SORCS2: variants seen among roughly 807,000 people sequenced by gnomAD.
The protein encoded by SORCS2 is VPS10 domain-containing receptor SorCS2.
A neutral mutation model predicts 141.6 loss-of-function variants in SORCS2; 100 were observed. That is an observed-to-expected ratio of 0.71 (90% CI 0.60 to 0.83). The LOEUF (loss-of-function observed/expected upper bound fraction) is 0.83, where lower values mean the gene tolerates loss of function less well. Ranked by LOEUF, SORCS2 falls within the 40% of genes least tolerant of loss-of-function variation. SORCS2 has a pLI of 0.00. For missense variants in SORCS2, 1,646 were observed against 1,560.2 expected (o/e 1.05, Z -0.93); for synonymous variants, 789 against 676.9 (o/e 1.17, Z -2.57).
At chr4:7,194,431 C>A (rs1012228572) in intron 1 of SORCS2, among the ~76,000 whole-genome samples, 1 of 152,120 alleles carries the variant, frequency 6.6e-6, no homozygotes, top group Non-Finnish European at 1.5e-5. Context: ...TATGTTGGGG[C>A]AGGGGTAGGG....
intron 3 of SORCS2, among the ~76,000 whole-genome samples, chr4:7,636,646 A>G (rs1720276425): frequency 6.6e-6 from 1 of 152,100 alleles, no homozygotes; most frequent in Non-Finnish European, 1.5e-5. Context: ...AGCCGGGATA[A>G]GGGTGTCTCC....
At chr4:7,241,693 C>T (rs1712707013) in intron 1 of SORCS2, among the ~76,000 whole-genome samples, 1 of 152,198 alleles carries the variant, frequency 6.6e-6, no homozygotes, top group Non-Finnish European at 1.5e-5. Context: ...CGATGCCATT[C>T]CGTAGTCTCT....
intron 2 of SORCS2, among the ~76,000 whole-genome samples, chr4:7,447,667 G>A (rs535018909): frequency 1.4e-4 from 21 of 152,268 alleles, no homozygotes; most frequent in Admixed American, 1.4e-3. Flanking sequence ...CAGAGCACGG[G>A]GGTCCTCCAG....
intron 1 of SORCS2, among the ~76,000 whole-genome samples, chr4:7,264,669 C>T (rs759404767): frequency 9.9e-5 from 15 of 152,192 alleles, no homozygotes; most frequent in South Asian, 8.3e-4. Flanking sequence ...GAGCTCTTGC[C>T]GGCCCTGGGG....
At chr4:7,551,936 G>A (rs76695643) in intron 3 of SORCS2, among the ~76,000 whole-genome samples, 8,321 of 152,294 alleles carry the variant, frequency 0.055, 302 homozygotes, top group African/African-American at 0.1. Context: ...GTAATTGTGT[G>A]TCGTAATCGG....
chr4:7,644,365 C>T (rs986029082), intron 4 of SORCS2, among the ~76,000 whole-genome samples: 5 of 152,172 alleles, frequency 3.3e-5, no homozygotes, highest in African/African-American at 9.7e-5. Context: ...CACCACGTCT[C>T]CACCCTCCAG....
intron 2 of SORCS2, among the ~76,000 whole-genome samples, chr4:7,439,956 C>A (rs959640861): frequency 2.0e-5 from 3 of 152,110 alleles, no homozygotes; most frequent in Admixed American, 1.3e-4. Context: ...CCGAAGTGAC[C>A]ACAGCAGCTG....
chr4:7,401,720 A>C (rs559622050), intron 2 of SORCS2, among the ~76,000 whole-genome samples: 1 of 152,236 alleles, frequency 6.6e-6, no homozygotes, highest in East Asian at 1.9e-4. Flanking sequence ...CAAGGACCAC[A>C]CTAATGCTGG....
At chr4:7,593,659 G>A (rs746539481) in intron 3 of SORCS2, among the ~76,000 whole-genome samples, 8 of 152,148 alleles carry the variant, frequency 5.3e-5, no homozygotes, top group Non-Finnish European at 1.2e-4. Context: ...ACCTGGGGGC[G>A]GGGGTGGGGG....
At chr4:7,698,371 C>T (rs1000838950) in intron 12 of SORCS2, among the ~76,000 whole-genome samples, 2 of 152,246 alleles carry the variant, frequency 1.3e-5, no homozygotes, top group Admixed American at 1.3e-4. Flanking sequence ...CAGGCTTCAC[C>T]TGCAGCCTGG....
At chr4:7,203,056 G>C (rs1727558631) in intron 1 of SORCS2, among the ~76,000 whole-genome samples, 1 of 152,188 alleles carries the variant, frequency 6.6e-6, no homozygotes, top group Non-Finnish European at 1.5e-5. Context: ...GTGGCAGGAG[G>C]ACTTGCCCCC....
intron 15 of SORCS2, among the ~76,000 whole-genome samples, chr4:7,713,407 G>A (rs1248866923): frequency 3.3e-5 from 5 of 152,062 alleles, no homozygotes. Context: ...GCTCGGGGGT[G>A]GGTGGCCCTG....
At chr4:7,366,167 G>T (rs529625278) in intron 1 of SORCS2, among the ~76,000 whole-genome samples, 2 of 152,196 alleles carry the variant, frequency 1.3e-5, no homozygotes, top group East Asian at 1.9e-4. Flanking sequence ...GGCAGGCCCC[G>T]TCATCTCGAA....
chr4:7,456,932 T>C (rs1314058407), intron 2 of SORCS2, among the ~76,000 whole-genome samples: 1 of 147,226 alleles, frequency 6.8e-6, no homozygotes, highest in Non-Finnish European at 1.5e-5. Flanking sequence ...ATTTCACCCC[T>C]GGTTGGGTGC....
chr4:7,547,726 C>T (rs941122283), intron 3 of SORCS2, among the ~76,000 whole-genome samples: 2 of 152,212 alleles, frequency 1.3e-5, no homozygotes, highest in Admixed American at 6.5e-5. Flanking sequence ...ATGCACAGAC[C>T]AGTTTGCCGT....
chr4:7,688,732 C>T (rs892674335), intron 10 of SORCS2, among the ~76,000 whole-genome samples: 20 of 152,142 alleles, frequency 1.3e-4, no homozygotes, highest in African/African-American at 4.8e-4. Context: ...GAAGGCTGAG[C>T]CCAGAGTCAT....
Position 7,283,543 on chromosome 4 carries a change from C to T in SORCS2, c.480+90417C>T, listed in dbSNP as rs139652470. ...CTGGATTCAGAGTCTCAGCCATTCA[C>T]TCCAGGAACAGTGTTCCCCTACTCT... On this transcript the variant is annotated intron_variant, in intron 1 of 26. Transcript: ENST00000507866. Among the ~76,000 whole-genome samples the T allele has an allele frequency of 1.4e-4, 21 of 152,286 alleles. No individual in the cohort carries two copies. In the East Asian group the frequency reaches 2.1e-3, roughly 15 times the overall value.
chr4:7,731,924 A>G (rs565075987), intron 23 of SORCS2, among the ~76,000 whole-genome samples: 2 of 152,232 alleles, frequency 1.3e-5, no homozygotes, highest in Non-Finnish European at 2.9e-5. Flanking sequence ...CCAAAAGTAC[A>G]TGCAACAAAC....
At chr4:7,268,518 G>C (rs1335744679) in intron 1 of SORCS2, among the ~76,000 whole-genome samples, 1 of 152,180 alleles carries the variant, frequency 6.6e-6, no homozygotes, top group African/African-American at 2.4e-5. Flanking sequence ...CGTTAATGAG[G>C]CTGCCAGGAT....
Sources: allele counts gnomAD v4.1 joint callset (sites outside exome capture counted in the v4.1 genomes callset), GRCh38; gene constraint gnomAD v4.1.1; transcripts MANE v1.5; gene names NCBI Gene and HGNC (gene_info 2026-07-23, HGNC 2026-07-21).